HIVEP3: variants seen among roughly 807,000 people sequenced by gnomAD.
HIVEP3 encodes the protein HIVEP zinc finger 3, also known as transcription factor HIVEP3.
A neutral mutation model predicts 152.8 loss-of-function variants in HIVEP3; 49 were observed. The observed-to-expected ratio is 0.32, with a 90% CI of 0.26 to 0.41. The LOEUF (loss-of-function observed/expected upper bound fraction) is 0.41. Ranked by LOEUF, HIVEP3 falls within the 10% of genes least tolerant of loss-of-function variation. The pLI is 1.00. For synonymous variants in HIVEP3, 1,269 were observed against 1,289.0 expected (o/e 0.98, Z 0.33); for missense variants, 2,790 against 3,103.3 (o/e 0.90, Z 2.40).
At chr1:41,768,119 T>G (rs1648127091) in intron 1 of HIVEP3, among the ~76,000 whole-genome samples, 1 of 152,198 alleles carries the variant, frequency 6.6e-6, no homozygotes. Context: ...TCTGTATTAG[T>G]TCATTTTCAC....
chr1:41,999,505 T>A (rs779749093), intron 1 of HIVEP3, among the ~76,000 whole-genome samples: 2 of 152,146 alleles, frequency 1.3e-5, no homozygotes, highest in Non-Finnish European at 2.9e-5. Flanking sequence ...TTCAAGTCAG[T>A]GCCATTAGAA....
chr1:41,887,920 C>A (rs1362755987), intron 1 of HIVEP3, among the ~76,000 whole-genome samples: 1 of 152,100 alleles, frequency 6.6e-6, no homozygotes, highest in East Asian at 1.9e-4. Context: ...GTTGCAGTAA[C>A]CACGTTTTAA....
At chr1:41,525,101 G>A (rs1399987386) in intron 5 of HIVEP3, among the ~76,000 whole-genome samples, 191 bp from the exon 6 acceptor site, 1 of 152,114 alleles carries the variant, frequency 6.6e-6, no homozygotes, top group Non-Finnish European at 1.5e-5. Flanking sequence ...GGACCCCTGC[G>A]CCCCTCCCCC....
intron 1 of HIVEP3, among the ~76,000 whole-genome samples, chr1:41,732,046 A>G (rs750054757): frequency 1.3e-5 from 2 of 152,190 alleles, no homozygotes; most frequent in Non-Finnish European, 2.9e-5. Context: ...AGATGAGGAC[A>G]TGGTCCTCTA....
intron 1 of HIVEP3, among the ~76,000 whole-genome samples, chr1:41,730,553 T>C (rs2124185156): frequency 6.6e-6 from 1 of 152,310 alleles, no homozygotes; most frequent in East Asian, 1.9e-4. Context: ...GAGGGGAACA[T>C]CATGGGCCAC....
intron 3 of HIVEP3, among the ~76,000 whole-genome samples, chr1:41,607,554 T>G (rs1255605420): frequency 6.6e-6 from 1 of 152,244 alleles, no homozygotes; most frequent in East Asian, 1.9e-4. Flanking sequence ...GTTTTGGGCT[T>G]TCTTATATTC....
At chr1:41,535,040 A>G (rs1326152774) in intron 5 of HIVEP3, among the ~76,000 whole-genome samples, 1 of 152,076 alleles carries the variant, frequency 6.6e-6, no homozygotes, top group Non-Finnish European at 1.5e-5. Flanking sequence ...CCTCCCATCA[A>G]CCATTTTACC....
At chr1:41,755,133 C>A (rs532563062) in intron 1 of HIVEP3, among the ~76,000 whole-genome samples, 2 of 152,218 alleles carry the variant, frequency 1.3e-5, no homozygotes, top group African/African-American at 4.8e-5. Context: ...AAATAGCGAA[C>A]CCAGAAATAG....
In HIVEP3 at chr1:41,583,203, G is replaced by C. The variant is rs750035409; in HGVS notation, c.1595C>G (p.Ala532Gly). The change falls in exon 4 of 9, where the codon GCC becomes GGC. Residue 532 changes from alanine (A) to glycine (G), a missense_variant. Around this residue, in one of 9 missense-constraint regions of HIVEP3, gnomAD observed 339 missense variants for 327.0 expected, o/e 1.04. Transcript: ENST00000372583. The surrounding 1 kb of genome is among the most constrained non-coding windows in gnomAD (Gnocchi z 6.9). ...GCTTCTCAGGAGAGGCACAGGGGGGGCGGTACTGGGCGGGTGCTGGAGGCT... is the reference window on the plus strand; with the variant it reads ...GCTTCTCAGGAGAGGCACAGGGGGGCCGGTACTGGGCGGGTGCTGGAGGCT... ...LLSLQHPPSTAPPVPLLRSHS... is the reference protein window; with the variant it reads ...LLSLQHPPSTGPPVPLLRSHS... The C allele has an allele frequency of 2.5e-6, 4 of 1,606,516 alleles. No homozygotes were observed. The highest frequency in any genetic ancestry group is 1.1e-5 in the South Asian group (1 of 90,730).
At chr1:41,993,598 C>G (rs971890554) in intron 1 of HIVEP3, among the ~76,000 whole-genome samples, 1 of 152,156 alleles carries the variant, frequency 6.6e-6, no homozygotes, top group Non-Finnish European at 1.5e-5. Context: ...GCGGCGATTC[C>G]TCAGGAATCT....
At chr1:41,576,403 G>C (rs767427651) in intron 4 of HIVEP3, among the ~76,000 whole-genome samples, 1 of 152,216 alleles carries the variant, frequency 6.6e-6, no homozygotes, top group African/African-American at 2.4e-5. Flanking sequence ...TAAGGGGAGA[G>C]CTGGCATTGG....
intron 1 of HIVEP3, among the ~76,000 whole-genome samples, chr1:41,737,377 T>C (rs1239905969): frequency 6.6e-6 from 1 of 152,192 alleles, no homozygotes; most frequent in Non-Finnish European, 1.5e-5. Context: ...CATTTTTTTG[T>C]GTCTGGCTGT....
At chr1:41,614,929 A>G (rs1221878716) in intron 3 of HIVEP3, among the ~76,000 whole-genome samples, 1 of 152,200 alleles carries the variant, frequency 6.6e-6, no homozygotes, top group Admixed American at 6.5e-5. Flanking sequence ...CCCTCCATGA[A>G]GTCATCCTCC....
intron 1 of HIVEP3, among the ~76,000 whole-genome samples, chr1:41,722,742 G>A (rs1356051005): frequency 2.0e-5 from 3 of 152,130 alleles, no homozygotes; most frequent in Non-Finnish European, 4.4e-5. Context: ...TGAGTCCAGG[G>A]AGCATAGGAG....
Position 41,511,366 on chromosome 1 carries a change from G to A in HIVEP3, c.6406-100C>T, listed in dbSNP as rs1644453722. ...GGAGGGGGACTCGCCCAAGATCACA[G>A]AGCGAGTCCAGGGTCCCGGCTGAGC... On this transcript the variant is annotated intron_variant, in intron 8 of 8. Transcript: ENST00000372583. The surrounding 1 kb of genome is among the most constrained non-coding windows in gnomAD (Gnocchi z 4.9). 1.8e-6 allele frequency: 2 copies of A among 1,114,682 alleles called. No individual in the cohort carries two copies. Among genetic ancestry groups the A allele is most frequent in the Non-Finnish European group, 2.5e-6 (2 of 799,204 alleles). The allele number at this position is 1,114,682 out of a possible 1,614,324, so 69.0% of individuals were successfully genotyped here. A position where few individuals can be genotyped will look rare whatever the true frequency, so the allele number is the denominator to read the frequency against.
At chr1:41,613,391 C>T (rs1177140378) in intron 3 of HIVEP3, among the ~76,000 whole-genome samples, 1 of 152,238 alleles carries the variant, frequency 6.6e-6, no homozygotes, top group African/African-American at 2.4e-5. Flanking sequence ...AATCTTTTCA[C>T]ATGCCCATCT....
chr1:41,880,448 AT>A (rs915386506), intron 1 of HIVEP3, among the ~76,000 whole-genome samples: 6 of 152,212 alleles, frequency 3.9e-5, no homozygotes, highest in Admixed American at 3.9e-4. Flanking sequence ...CAACAAAGGC[AT>A]CTCTGTCCTC....
intron 2 of HIVEP3, among the ~76,000 whole-genome samples, chr1:41,663,328 T>TG (rs889446053): frequency 2.6e-5 from 4 of 151,502 alleles, no homozygotes; most frequent in Non-Finnish European, 4.4e-5. Flanking sequence ...GGGTGTAGAG[T>TG]GGGGTTAAGC....
At chr1:42,022,334 T>A (rs78976125) in intron 1 of HIVEP3, among the ~76,000 whole-genome samples, 341 of 152,224 alleles carry the variant, frequency 2.2e-3, no homozygotes, top group African/African-American at 7.8e-3. Context: ...CTACAAAGCA[T>A]CCCTCCCGTG....
Sources: allele counts gnomAD v4.1 joint callset (sites outside exome capture counted in the v4.1 genomes callset), GRCh38; gene constraint gnomAD v4.1.1; regional missense constraint gnomAD v4.1.1; non-coding constraint Gnocchi (gnomAD v3.1); transcripts MANE v1.5; gene names NCBI Gene and HGNC (gene_info 2026-07-23, HGNC 2026-07-21).